The following GRIK2 variants were observed in gnomAD, a reference collection of about 807,000 sequenced individuals.
GRIK2 encodes the protein glutamate receptor ionotropic, kainate 2.
GRIK2 carries 32 observed loss-of-function variants against 100.3 expected under a neutral mutation model. The ratio of observed to expected loss-of-function variants is 0.32; its 90% confidence interval spans 0.24 to 0.43. The LOEUF is 0.43. Among genes scored for constraint, GRIK2 ranks in the 20% least tolerant of loss-of-function variants. GRIK2 has a pLI of 1.00. For missense variants in GRIK2, 843 were observed against 1,114.9 expected, an observed-to-expected ratio of 0.76 and a Z score of 3.47; for synonymous variants, 417 against 389.4, an observed-to-expected ratio of 1.07 and a Z score of -0.83.
intron 12 of GRIK2, among the ~76,000 whole-genome samples, chr6:101,906,115 A>G (rs757899388): frequency 6.6e-6 from 1 of 151,724 alleles, no homozygotes; most frequent in Non-Finnish European, 1.5e-5. Context: ...AGAGAAATTA[A>G]TGATTAATGT....
chr6:101,851,756 A>T (rs745502243), intron 10 of GRIK2, among the ~76,000 whole-genome samples: 13 of 130,520 alleles, frequency 1.0e-4, no homozygotes, highest in Non-Finnish European at 1.1e-4. Flanking sequence ...AATATAGCCC[A>T]GTGGCTAATC....
At chr6:102,062,042 G>T (rs1242528235) in intron 16 of GRIK2, among the ~76,000 whole-genome samples, 23 of 148,382 alleles carry the variant, frequency 1.6e-4, no homozygotes, top group African/African-American at 4.9e-4. Context: ...TTTTTAACTA[G>T]CTTAAGTAGG....
chr6:101,836,849 A>G (rs1783154506), intron 10 of GRIK2, among the ~76,000 whole-genome samples: 2 of 151,518 alleles, frequency 1.3e-5, no homozygotes, highest in African/African-American at 2.4e-5. Context: ...TATTTTTAGT[A>G]GAGATGGGGT....
At position 101,686,280 on chromosome 6, in the gene GRIK2, T is replaced by C. The variant is rs1201407082; in HGVS notation, c.878T>C (p.Ile293Thr). ...NTENTQVSSI[I>T]EKWSMERLQA... is the part of the protein sequence containing the mutation. The stretch of plus-strand genomic sequence containing the variant: ...GAAAATACCCAAGTCTCCTCCATCA[T>C]TGAAAAGTGGTCGATGGAACGATTG... The change falls in exon 7 of 17, where the codon ATT (isoleucine) becomes ACT (threonine). Residue 293 changes from isoleucine (I) to threonine (T), a missense_variant. This residue lies in a region of GRIK2 where 519 missense variants were observed against 643.8 expected (regional missense o/e 0.81). Coordinates refer to ENST00000369134, the MANE Select transcript of GRIK2 (RefSeq NM_021956.5). 2 of 1,613,048 alleles carry C rather than the reference T, an allele frequency of 1.2e-6. No homozygotes were observed. The highest frequency in any genetic ancestry group is 2.7e-5 in the African/African-American group (2 of 74,892).
chr6:101,795,902 A>G (rs934261111), intron 7 of GRIK2, among the ~76,000 whole-genome samples: 42 of 152,228 alleles, frequency 2.8e-4, no homozygotes, highest in African/African-American at 9.9e-4. Context: ...TTTTTTACAA[A>G]TATGCATTTA....
intron 14 of GRIK2, among the ~76,000 whole-genome samples, chr6:101,979,434 T>C (rs1007254856): frequency 6.6e-6 from 1 of 151,942 alleles, no homozygotes; most frequent in Non-Finnish European, 1.5e-5. Context: ...TCAGGACTTA[T>C]CTGTTAAAGG....
intron 15 of GRIK2, among the ~76,000 whole-genome samples, chr6:102,038,487 T>C (rs186915032): frequency 9.9e-4 from 150 of 151,572 alleles, no homozygotes; most frequent in Non-Finnish European, 1.8e-3. Flanking sequence ...TATTTGTCTC[T>C]CTTTTGCTGT....
At chr6:101,960,048 G>GTTT (rs3029100) in intron 14 of GRIK2, among the ~76,000 whole-genome samples, 11,004 of 116,928 alleles carry the variant, frequency 0.094, 1,110 homozygotes, top group African/African-American at 0.27. Flanking sequence ...TTTTTTTAGT[G>GTTT]TTTTGTTTTT....
chr6:101,876,916 C>G (rs1610028), intron 11 of GRIK2, among the ~76,000 whole-genome samples: 1 of 151,708 alleles, frequency 6.6e-6, no homozygotes, highest in African/African-American at 2.4e-5. Context: ...ACTCATTCCC[C>G]TACATCTCTA....
At chr6:101,832,442 A>G (rs1430655933) in intron 10 of GRIK2, among the ~76,000 whole-genome samples, 2 of 152,230 alleles carry the variant, frequency 1.3e-5, no homozygotes, top group Non-Finnish European at 2.9e-5. Flanking sequence ...AAATGTAAGA[A>G]CAATCATTTC....
intron 2 of GRIK2, among the ~76,000 whole-genome samples, chr6:101,508,364 C>A (rs150363123): frequency 6.6e-6 from 1 of 152,092 alleles, no homozygotes; most frequent in African/African-American, 2.4e-5. Context: ...GTCTATTAAT[C>A]CAATTAGTAC....
At chr6:101,525,288 G>T (rs1435997807) in intron 2 of GRIK2, among the ~76,000 whole-genome samples, 1 of 152,120 alleles carries the variant, frequency 6.6e-6, no homozygotes, top group East Asian at 1.9e-4. Flanking sequence ...GTTTAGGAGG[G>T]ATCTATATTA....
chr6:101,624,098 G>A lies in GRIK2; in HGVS notation c.283+1982G>A, dbSNP rs925310506. ...TTTTTTTCTGTTATAGTTTTAAAGG[G>A]TAGTATTGTTCTGCTCAATTAATAA... On this transcript the variant is annotated intron_variant, in intron 3 of 16. Transcript: ENST00000369134. Among the ~76,000 whole-genome samples the A allele has an allele frequency of 5.3e-5, 8 of 152,014 alleles. No individual in the cohort carries two copies. In the South Asian group the frequency reaches 8.3e-4, roughly 16 times the overall value.
intron 2 of GRIK2, among the ~76,000 whole-genome samples, chr6:101,490,115 A>G (rs1276557624): frequency 6.8e-6 from 1 of 146,364 alleles, no homozygotes; most frequent in Non-Finnish European, 1.5e-5. Context: ...ACAATTTTTT[A>G]CTCTTTACAG....
chr6:101,606,045 A>T (rs1428184217), intron 2 of GRIK2, among the ~76,000 whole-genome samples: 1 of 151,984 alleles, frequency 6.6e-6, no homozygotes, highest in Non-Finnish European at 1.5e-5. Flanking sequence ...TCAATGGTTA[A>T]TTAAGTCACC....
At chr6:101,945,252 T>A (rs1197650631) in intron 14 of GRIK2, among the ~76,000 whole-genome samples, 1 of 152,150 alleles carries the variant, frequency 6.6e-6, no homozygotes, top group South Asian at 2.1e-4. Flanking sequence ...AATTGAGATA[T>A]GTTTTCAGTG....
At chr6:101,925,567 A>G (rs1180278900) in intron 13 of GRIK2, among the ~76,000 whole-genome samples, 1 of 152,056 alleles carries the variant, frequency 6.6e-6, no homozygotes, top group Non-Finnish European at 1.5e-5. Context: ...TAGTTTTGCC[A>G]ATTTAAAATG....
intron 12 of GRIK2, among the ~76,000 whole-genome samples, chr6:101,900,050 TAGAG>T (rs1301580257): frequency 6.6e-6 from 1 of 152,142 alleles, no homozygotes; most frequent in Non-Finnish European, 1.5e-5. Flanking sequence ...GATTCATACT[TAGAG>T]AAATGTGTAT....
chr6:101,782,748 G>A (rs969913956), intron 7 of GRIK2, among the ~76,000 whole-genome samples: 1 of 151,884 alleles, frequency 6.6e-6, no homozygotes, highest in Non-Finnish European at 1.5e-5. Context: ...AGATCACATG[G>A]TAGTTCTATT....
Sources: gnomAD v4.1 joint callset for allele counts (sites outside exome capture counted in the v4.1 genomes callset) on GRCh38, gnomAD v4.1.1 for gene constraint, gnomAD v4.1.1 regional missense constraint, MANE v1.5 for transcripts, NCBI Gene and HGNC (gene_info 2026-07-23, HGNC 2026-07-21) for gene names.